ASAP2: variants seen among roughly 807,000 people sequenced by gnomAD.
ASAP2 encodes the protein ArfGAP with SH3 domain, ankyrin repeat and PH domain 2.
ASAP2 carries 45 observed loss-of-function variants against 131.4 expected under a neutral mutation model. The observed-to-expected ratio is 0.34, with a 90% confidence interval of 0.27 to 0.44. The LOEUF is 0.44. Among genes scored for constraint, ASAP2 ranks in the 20% least tolerant of loss-of-function variants. ASAP2 has a pLI of 1.00. For missense variants in ASAP2, 1,011 were observed against 1,297.0 expected, an observed-to-expected ratio of 0.78 and a Z score of 3.39; for synonymous variants, 510 against 503.0, an observed-to-expected ratio of 1.01 and a Z score of -0.19.
chr2:9,213,457 T>G (rs897540585), intron 1 of ASAP2, among the ~76,000 whole-genome samples: 1 of 152,162 alleles, frequency 6.6e-6, no homozygotes, highest in Non-Finnish European at 1.5e-5. Flanking sequence ...TGAAGGGTTT[T>G]GAGCAGGGAA....
At chr2:9,251,131 C>T (rs1210154710) in intron 1 of ASAP2, among the ~76,000 whole-genome samples, 1 of 152,266 alleles carries the variant, frequency 6.6e-6, no homozygotes, top group Non-Finnish European at 1.5e-5. Flanking sequence ...GGGAGTGGAG[C>T]GTGGAGGGCT....
chr2:9,305,870 A>G (rs1254509752), intron 3 of ASAP2, among the ~76,000 whole-genome samples: 1 of 147,494 alleles, frequency 6.8e-6, no homozygotes, highest in Non-Finnish European at 1.5e-5. Flanking sequence ...TAGAGGCTGT[A>G]GTAGTGGGGT....
At chr2:9,378,128 C>CT (rs1311683858) in intron 18 of ASAP2, among the ~76,000 whole-genome samples, 1 of 152,130 alleles carries the variant, frequency 6.6e-6, no homozygotes, top group African/African-American at 2.4e-5. Flanking sequence ...AAAGAAACTC[C>CT]TTTTTTGATA....
chr2:9,344,687 C>A, intron 10 of ASAP2, 44 bp from the exon 11 acceptor site: 1 of 1,612,292 alleles, frequency 6.2e-7, no homozygotes, highest in Non-Finnish European at 8.5e-7. Flanking sequence ...TATCTTGTGT[C>A]CAAAATGTCT....
At chr2:9,402,566 G>A (rs747501724) in intron 27 of ASAP2, among the ~76,000 whole-genome samples, 3 of 152,144 alleles carry the variant, frequency 2.0e-5, no homozygotes, top group African/African-American at 4.8e-5. Context: ...CGGAAGGGGC[G>A]CCAACCTGAC....
chr2:9,245,659 G>C (rs1664287294), intron 1 of ASAP2, among the ~76,000 whole-genome samples: 1 of 152,174 alleles, frequency 6.6e-6, no homozygotes, highest in Non-Finnish European at 1.5e-5. Context: ...TGCTGCGTTT[G>C]TGAACAGAGC....
chr2:9,298,409 C>T (rs192891904), intron 3 of ASAP2, among the ~76,000 whole-genome samples: 2 of 152,320 alleles, frequency 1.3e-5, no homozygotes, highest in African/African-American at 4.8e-5. Context: ...CGGGCCCTTG[C>T]TCTTTCTCCC....
chr2:9,323,161 C>T lies in ASAP2; in HGVS notation c.511C>T (p.His171Tyr), dbSNP rs750632165. ...GGAGAAAAAGGAACACGCCAAGCTC[C>T]ATGGGATGATTCGGACTGAAATAAG... ...EKEKKEHAKLHGMIRTEISGA... is the reference protein window; with the variant it reads ...EKEKKEHAKLYGMIRTEISGA... Residue 171 changes from histidine (H) to tyrosine (Y), a missense_variant, in exon 6 of 28, where the codon CAT becomes TAT. Transcript: ENST00000281419. 1.2e-6 allele frequency: 2 copies of T among 1,614,102 alleles called. No individual in the cohort carries two copies. The highest frequency in any genetic ancestry group is 1.3e-5 in the African/African-American group (1 of 74,928).
intron 1 of ASAP2, among the ~76,000 whole-genome samples, chr2:9,226,413 A>G (rs533245422): frequency 2.6e-5 from 4 of 152,276 alleles, no homozygotes; most frequent in African/African-American, 9.6e-5. Context: ...GCATGGGTCT[A>G]CTTTCCGCCC....
intron 1 of ASAP2, among the ~76,000 whole-genome samples, chr2:9,218,820 T>C (rs974725352): frequency 6.6e-6 from 1 of 152,224 alleles, no homozygotes; most frequent in South Asian, 2.1e-4. Context: ...TGTTTTTTTC[T>C]TTATCTTGAC....
chr2:9,276,108 G>T (rs1439261503), intron 1 of ASAP2, among the ~76,000 whole-genome samples: 1 of 152,216 alleles, frequency 6.6e-6, no homozygotes, highest in Non-Finnish European at 1.5e-5. Context: ...ATTCCAAGAA[G>T]GCACAGGCAT....
chr2:9,299,863 T>A (rs769210435), intron 3 of ASAP2, among the ~76,000 whole-genome samples: 2 of 152,256 alleles, frequency 1.3e-5, no homozygotes, highest in African/African-American at 4.8e-5. Context: ...TTAATTCTTA[T>A]GACAATCCCA....
chr2:9,395,260 GTCCAGAGTTTGAGACC>G (rs1282736894), intron 24 of ASAP2, among the ~76,000 whole-genome samples: 1 of 152,066 alleles, frequency 6.6e-6, no homozygotes, highest in Non-Finnish European at 1.5e-5. Flanking sequence ...ATCACCTGAG[GTCCAGAGTTTGAGACC>G]AGCCTGGCCA....
At chr2:9,258,986 C>G (rs1028427773) in intron 1 of ASAP2, among the ~76,000 whole-genome samples, 1 of 152,134 alleles carries the variant, frequency 6.6e-6, no homozygotes, top group African/African-American at 2.4e-5. Context: ...GGGGCCAGAC[C>G]AGGACCCTGG....
At chr2:9,241,034 A>G (rs575467923) in intron 1 of ASAP2, among the ~76,000 whole-genome samples, 2 of 152,344 alleles carry the variant, frequency 1.3e-5, no homozygotes, top group South Asian at 2.1e-4. Context: ...AACAGCAAGC[A>G]ATTTAAAAGT....
intron 3 of ASAP2, among the ~76,000 whole-genome samples, chr2:9,307,955 C>T (rs1444376002): frequency 6.6e-6 from 1 of 152,072 alleles, no homozygotes; most frequent in Non-Finnish European, 1.5e-5. Flanking sequence ...TGTCTGTGTG[C>T]ATGCATATGT....
chr2:9,280,159 GGGA>G lies in ASAP2; in HGVS notation c.199+779_199+781del, dbSNP rs369881349. On this transcript the variant is annotated intron_variant, in intron 2 of 27. Coordinates refer to ENST00000281419, the MANE Select transcript of ASAP2 (RefSeq NM_003887.3). The stretch of plus-strand genomic sequence containing the variant: ...GCAGATAGAGTTTGGGTGACAGGGT[GGGA>G]GGAGGAGGGGCCTGGGGTCTGCTCC... Among the ~76,000 whole-genome samples, 27 of 152,286 alleles carry G rather than the reference GGGA, an allele frequency of 1.8e-4. No individual in the cohort carries two copies. The South Asian group carries it at 5.6e-3, about 32-fold the overall frequency.
intron 3 of ASAP2, among the ~76,000 whole-genome samples, chr2:9,316,985 G>A (rs1669726633): frequency 8.9e-6 from 1 of 112,846 alleles, no homozygotes; most frequent in Non-Finnish European, 1.8e-5. Flanking sequence ...ACCCTCTCAT[G>A]TCCACTCTCA....
In ASAP2 at chr2:9,374,818, C is replaced by T. The variant is rs752915609; in HGVS notation, c.1620C>T (p.His540=). The part of the protein sequence containing the change: ...YIERRYARKK[H]ADNAAKLHSL... ...AGAGGAGATACGCAAGGAAGAAGCA[C>T]GCGGATAACGCGGCGAAGCTTCACA... The change falls in exon 17 of 28, where the codon CAC becomes CAT. Residue 540 remains histidine, a synonymous_variant. Coordinates refer to ENST00000281419, the MANE Select transcript of ASAP2 (RefSeq NM_003887.3). 1.7e-5 allele frequency: 27 copies of T among 1,613,888 alleles called. No individual in the cohort carries two copies. Among genetic ancestry groups the T allele is most frequent in the South Asian group, 9.9e-5 (9 of 91,040 alleles).
Sources: allele counts gnomAD v4.1 joint callset (sites outside exome capture counted in the v4.1 genomes callset), GRCh38; gene constraint gnomAD v4.1.1; transcripts MANE v1.5; gene names NCBI Gene and HGNC (gene_info 2026-07-23, HGNC 2026-07-21).